Variants in ZNF385D observed in about 807,000 individuals in gnomAD.
ZNF385D encodes zinc finger protein 385D.
Under a neutral mutation model 35.8 loss-of-function variants are expected in ZNF385D, and 15 were observed. The observed-to-expected ratio is 0.42, with a 90% confidence interval of 0.28 to 0.64. ZNF385D has a LOEUF of 0.64. Ranked by LOEUF, ZNF385D falls within the 30% of genes least tolerant of loss-of-function variation. ZNF385D has a pLI of 0.23. For synonymous variants in ZNF385D, 212 were observed against 186.8 expected (o/e 1.13, Z -1.10); for missense variants, 474 against 494.6 (o/e 0.96, Z 0.39).
intron 2 of ZNF385D, among the ~76,000 whole-genome samples, chr3:21,565,032 G>A (rs1016062250): frequency 1.3e-5 from 2 of 152,148 alleles, no homozygotes; most frequent in South Asian, 2.1e-4. Flanking sequence ...TAACACAGAA[G>A]TATGTCTATA....
At chr3:22,269,722 G>T (rs2125359207) in intron 2 of ZNF385D, among the ~76,000 whole-genome samples, 1 of 151,748 alleles carries the variant, frequency 6.6e-6, no homozygotes, top group African/African-American at 2.4e-5. Context: ...TTTTTTTGGG[G>T]GGAGGGTAGG....
intron 3 of ZNF385D, among the ~76,000 whole-genome samples, chr3:21,990,516 T>G (rs1343505044): frequency 6.6e-6 from 1 of 152,230 alleles, no homozygotes; most frequent in Non-Finnish European, 1.5e-5. Context: ...AAATTACTTT[T>G]ATGAGTTAAT....
At chr3:21,644,999 A>T (rs1456552665) in intron 2 of ZNF385D, among the ~76,000 whole-genome samples, 2 of 152,212 alleles carry the variant, frequency 1.3e-5, no homozygotes, top group African/African-American at 2.4e-5. Context: ...TCTGAGAAGA[A>T]GCAAAATTCC....
At chr3:21,955,338 A>T (rs1050085816) in intron 3 of ZNF385D, among the ~76,000 whole-genome samples, 13 of 152,064 alleles carry the variant, frequency 8.5e-5, no homozygotes, top group African/African-American at 2.9e-4. Flanking sequence ...ATGAAAGAAA[A>T]AACAAAGCTA....
At chr3:22,009,328 T>A (rs259453) in intron 3 of ZNF385D, among the ~76,000 whole-genome samples, 41,357 of 151,536 alleles carry the variant, frequency 0.27, 6,704 homozygotes, top group African/African-American at 0.45. Flanking sequence ...AAATATTTTT[T>A]AAAAAATAGA....
Position 21,683,333 on chromosome 3 carries a change from G to C in ZNF385D, c.23-18305C>G, listed in dbSNP as rs186121884. ...TGATTAGGTTATGCGACGTGATACA[G>C]TTGACTTCAAAAAGAAGAGATTCAT... On this transcript the variant is annotated intron_variant, in intron 1 of 7. Transcript: ENST00000281523. Among the ~76,000 whole-genome samples, 15 of 149,884 alleles carry C rather than the reference G, an allele frequency of 1.0e-4. 1 individual carries two copies. In the East Asian group the frequency reaches 3.0e-3, roughly 30 times the overall value.
intron 2 of ZNF385D, among the ~76,000 whole-genome samples, chr3:21,653,388 T>C (rs2065978815): frequency 6.6e-6 from 1 of 152,102 alleles, no homozygotes; most frequent in Admixed American, 6.6e-5. Context: ...ATGAACATTT[T>C]TGAACCAAGT....
chr3:21,791,662 G>A (rs1035256400), intron 3 of ZNF385D, among the ~76,000 whole-genome samples: 2 of 152,144 alleles, frequency 1.3e-5, no homozygotes, highest in Non-Finnish European at 2.9e-5. Context: ...GAATCAAAAT[G>A]AAAACTAATA....
At chr3:22,139,972 G>C (rs1704402925) in intron 3 of ZNF385D, among the ~76,000 whole-genome samples, 1 of 152,162 alleles carries the variant, frequency 6.6e-6, no homozygotes, top group Non-Finnish European at 1.5e-5. Context: ...AACTGATGAG[G>C]ATATAGAGAA....
In ZNF385D at chr3:21,854,473, T is replaced by C. The variant is rs576919716; in HGVS notation, c.326-189445A>G. ...CATGGGCACGCAACCTTGGCAATAA[T>C]ATAGGCCTTGCACTTGGTTTAATGA... On this transcript the variant is annotated intron_variant, in intron 3 of 5. Coordinates refer to the ZNF385D transcript ENST00000494108. Among the ~76,000 whole-genome samples the C allele has an allele frequency of 1.5e-4, 23 of 152,072 alleles. No homozygotes were observed. In the South Asian group the frequency reaches 4.4e-3, roughly 29 times the overall value.
At chr3:21,756,617 A>C (rs1200509865) in intron 3 of ZNF385D, among the ~76,000 whole-genome samples, 3 of 152,212 alleles carry the variant, frequency 2.0e-5, no homozygotes, top group Non-Finnish European at 2.9e-5. Context: ...TTGAAAAAGG[A>C]GAAGAGGGTT....
At chr3:21,948,565 A>G (rs758856475) in intron 3 of ZNF385D, among the ~76,000 whole-genome samples, 4 of 152,050 alleles carry the variant, frequency 2.6e-5, no homozygotes, top group Non-Finnish European at 5.9e-5. Flanking sequence ...TGTATATGCC[A>G]TTTTCGTTGT....
At chr3:21,765,597 A>T (rs78563760) in intron 3 of ZNF385D, among the ~76,000 whole-genome samples, 11,931 of 151,970 alleles carry the variant, frequency 0.079, 635 homozygotes, top group South Asian at 0.17. Context: ...GGTAGTAGAG[A>T]CTCAGGTAAT....
At chr3:22,070,094 C>CAA (rs1382436721) in intron 3 of ZNF385D, among the ~76,000 whole-genome samples, 1 of 152,132 alleles carries the variant, frequency 6.6e-6, no homozygotes, top group Non-Finnish European at 1.5e-5. Context: ...ATTAAAAACA[C>CAA]ATTAATTTCC....
intron 4 of ZNF385D, among the ~76,000 whole-genome samples, chr3:21,452,534 C>T (rs1702521683): frequency 1.3e-5 from 2 of 151,888 alleles, no homozygotes; most frequent in South Asian, 4.1e-4. Flanking sequence ...CTTAAAATAT[C>T]CACAAGAACC....
chr3:21,664,608 A>G (rs2066344975), intron 2 of ZNF385D, among the ~76,000 whole-genome samples: 1 of 152,224 alleles, frequency 6.6e-6, no homozygotes, highest in African/African-American at 2.4e-5. Flanking sequence ...ATACCTACAA[A>G]GCTATAGAAT....
intron 3 of ZNF385D, chr3:21,979,483 G>C (rs1559813450): frequency 6.6e-6 from 1 of 152,170 alleles, no homozygotes. Flanking sequence ...CTCACAATAA[G>C]TAAGTTTTCC....
chr3:21,825,333 T>C (rs1694532619), intron 3 of ZNF385D, among the ~76,000 whole-genome samples: 1 of 152,224 alleles, frequency 6.6e-6, no homozygotes, highest in South Asian at 2.1e-4. Context: ...CAGAACTATC[T>C]GTCACTTGAA....
chr3:21,967,805 T>A (rs954972016), intron 3 of ZNF385D, among the ~76,000 whole-genome samples: 3 of 152,260 alleles, frequency 2.0e-5, no homozygotes, highest in African/African-American at 7.2e-5. Context: ...GGGAGGAAGT[T>A]GGAGTAAGAT....
Sources: gnomAD v4.1 joint callset for allele counts (sites outside exome capture counted in the v4.1 genomes callset) on GRCh38, gnomAD v4.1.1 for gene constraint, MANE v1.5 for transcripts, NCBI Gene and HGNC (gene_info 2026-07-23, HGNC 2026-07-21) for gene names.